The following RPS6KC1 variants were observed in gnomAD, a reference collection of about 807,000 sequenced individuals.
RPS6KC1 encodes the protein inactive ribosomal protein S6 kinase delta-1.
RPS6KC1 carries 54 observed loss-of-function variants against 103.8 expected under a neutral mutation model. The observed-to-expected ratio is 0.52, with a 90% CI of 0.42 to 0.65. The LOEUF is 0.65. RPS6KC1 is among the 30% of genes least tolerant of loss of function. RPS6KC1 has a pLI of 0.00. For missense variants in RPS6KC1, 1,151 were observed against 1,253.8 expected (o/e 0.92, Z 1.24); for synonymous variants, 439 against 438.7 (o/e 1.00, Z -0.01).
chr1:213,075,293 A>G (rs2079228621), intron 2 of RPS6KC1, among the ~76,000 whole-genome samples: 2 of 152,274 alleles, frequency 1.3e-5, no homozygotes, highest in Non-Finnish European at 2.9e-5. Context: ...TACTGCTTAC[A>G]TAAGCCCATC....
the RPS6KC1 span, among the ~76,000 whole-genome samples, chr1:213,487,481 TAGC>T: frequency 6.8e-6 from 1 of 147,678 alleles, no homozygotes; most frequent in South Asian, 2.1e-4. Context: ...ATTCTTAAAA[TAGC>T]AGCCTGAGTG....
At chr1:213,436,086 C>T in the RPS6KC1 span, among the ~76,000 whole-genome samples, 1 of 152,164 alleles carries the variant, frequency 6.6e-6, no homozygotes, top group Non-Finnish European at 1.5e-5. Context: ...AAAAACATTG[C>T]TTTGTAGTTT....
chr1:213,787,162 A>C, the RPS6KC1 span, among the ~76,000 whole-genome samples: 1 of 152,176 alleles, frequency 6.6e-6, no homozygotes, highest in East Asian at 1.9e-4. Flanking sequence ...TTCATTCATA[A>C]GTATTATCAA....
the RPS6KC1 span, among the ~76,000 whole-genome samples, chr1:213,842,873 A>C: frequency 3.8e-3 from 585 of 152,310 alleles, no homozygotes; most frequent in South Asian, 7.5e-3. Context: ...TATGCTTACT[A>C]CCAATTTTAC....
chr1:213,054,218 A>G (rs1017077003), intron 1 of RPS6KC1, among the ~76,000 whole-genome samples: 1 of 152,216 alleles, frequency 6.6e-6, no homozygotes, highest in Admixed American at 6.5e-5. Flanking sequence ...AAAGTAGCAC[A>G]TTGCCTTAGA....
intron 3 of RPS6KC1, among the ~76,000 whole-genome samples, chr1:213,097,419 A>G (rs1042828910): frequency 1.3e-5 from 2 of 152,212 alleles, no homozygotes; most frequent in African/African-American, 2.4e-5. Context: ...TAAAATATTC[A>G]GTAGACCATG....
chr1:213,151,213 G>A (rs1191866717), intron 6 of RPS6KC1, among the ~76,000 whole-genome samples: 3 of 123,312 alleles, frequency 2.4e-5, no homozygotes, highest in East Asian at 5.3e-4. Context: ...CTGGCCAGGC[G>A]GGGGGCTGAC....
chr1:213,600,194 A>AC, the RPS6KC1 span, among the ~76,000 whole-genome samples: 72 of 152,236 alleles, frequency 4.7e-4, no homozygotes, highest in Middle Eastern at 3.4e-3. Context: ...GCCATGTGGA[A>AC]CTGTGAGTCA....
chr1:213,295,410 T>G, the RPS6KC1 span, among the ~76,000 whole-genome samples: 1 of 152,208 alleles, frequency 6.6e-6, no homozygotes, highest in African/African-American at 2.4e-5. Context: ...TTTCCCAGTT[T>G]GTAAAACTGG....
chr1:213,279,531 T>C (rs924803260), downstream of RPS6KC1, among the ~76,000 whole-genome samples: 25 of 152,360 alleles, frequency 1.6e-4, no homozygotes, highest in Admixed American at 1.6e-3. Context: ...ACTCACTCTT[T>C]GATCATTTTG....
chr1:213,672,603 A>G, the RPS6KC1 span, among the ~76,000 whole-genome samples: 5 of 152,024 alleles, frequency 3.3e-5, no homozygotes, highest in Non-Finnish European at 7.4e-5. Flanking sequence ...GACCTCTTCT[A>G]TGCACTCATA....
chr1:213,399,035 A>G, the RPS6KC1 span, among the ~76,000 whole-genome samples: 15 of 152,334 alleles, frequency 9.8e-5, no homozygotes, highest in Admixed American at 9.8e-4. Flanking sequence ...ATCCCAAGAC[A>G]TAGACAAAAC....
At chr1:213,175,622 T>C (rs953014985) in intron 7 of RPS6KC1, among the ~76,000 whole-genome samples, 5 of 152,224 alleles carry the variant, frequency 3.3e-5, no homozygotes, top group Non-Finnish European at 7.4e-5. Context: ...AACTAATAAA[T>C]GGAAGTTGGG....
rs138733237 is a variant in RPS6KC1 at position 213,094,584 on chromosome 1, A to G, written c.263-9870A>G. 4.6e-5 allele frequency among the ~76,000 whole-genome samples: 7 copies of G among 152,260 alleles called. No homozygotes were observed. The East Asian group carries it at 1.2e-3, about 25-fold the overall frequency. ...CATTGTTTGTTGTTTGTTTTCTTCT[A>G]TCTGTCATCAGAGTATGACTTCCTG... On this transcript the variant is annotated intron_variant, in intron 3 of 14. Transcript: ENST00000366960.
chr1:213,301,745 A>ATTTG, the RPS6KC1 span, among the ~76,000 whole-genome samples: 15 of 136,888 alleles, frequency 1.1e-4, no homozygotes, highest in Admixed American at 2.9e-4. Flanking sequence ...TTATTTATTT[A>ATTTG]TTTGTGAGAC....
At chr1:213,666,148 T>C in the RPS6KC1 span, among the ~76,000 whole-genome samples, 1 of 152,210 alleles carries the variant, frequency 6.6e-6, no homozygotes, top group African/African-American at 2.4e-5. Context: ...TGAAGCTGGC[T>C]GGGACCTCAA....
At chr1:213,847,279 A>G in the RPS6KC1 span, among the ~76,000 whole-genome samples, 1 of 152,196 alleles carries the variant, frequency 6.6e-6, no homozygotes, top group African/African-American at 2.4e-5. Context: ...ATATAAAGGA[A>G]AGGGTCCTTA....
At chr1:213,052,434 T>C (rs1368723428) in intron 1 of RPS6KC1, among the ~76,000 whole-genome samples, 1 of 152,064 alleles carries the variant, frequency 6.6e-6, no homozygotes, top group Admixed American at 6.5e-5. Flanking sequence ...AACTCCAAGT[T>C]ATATAAAATG....
At chr1:213,440,260 G>A in the RPS6KC1 span, among the ~76,000 whole-genome samples, 1 of 152,138 alleles carries the variant, frequency 6.6e-6, no homozygotes, top group Admixed American at 6.5e-5. Context: ...TAGTTATTGA[G>A]CATCCTATAT....
Sources: allele counts gnomAD v4.1 joint callset (sites outside exome capture counted in the v4.1 genomes callset), GRCh38; gene constraint gnomAD v4.1.1; transcripts MANE v1.5; gene names NCBI Gene and HGNC (gene_info 2026-07-23, HGNC 2026-07-21).